The following ASB17 variants were observed in gnomAD, a reference collection of about 807,000 sequenced individuals.
The protein encoded by ASB17 is ankyrin repeat and SOCS box containing 17.
ASB17 carries 26 observed loss-of-function variants against 25.7 expected under a neutral mutation model. That is an observed-to-expected ratio of 1.01 (90% CI 0.74 to 1.40). The LOEUF (loss-of-function observed/expected upper bound fraction) is 1.40, where lower values mean the gene tolerates loss of function less well. ASB17 is among the 40% of genes most tolerant of loss of function. The pLI is 0.00. For synonymous variants in ASB17, 128 were observed against 121.4 expected, an observed-to-expected ratio of 1.05 and a Z score of -0.36; for missense variants, 326 against 338.5, an observed-to-expected ratio of 0.96 and a Z score of 0.29.
At chr1:75,924,008 CAAT>C (rs1653101395) in intron 1 of ASB17, among the ~76,000 whole-genome samples, 1 of 152,012 alleles carries the variant, frequency 6.6e-6, no homozygotes, top group Non-Finnish European at 1.5e-5. Context: ...GTGATAATCA[CAAT>C]GATAGAAGCA....
At chr1:75,921,900 A>G (rs1053326511) in intron 2 of ASB17, among the ~76,000 whole-genome samples, 180 bp downstream of exon 2, 77 of 152,144 alleles carry the variant, frequency 5.1e-4, no homozygotes, top group Non-Finnish European at 7.9e-4. Flanking sequence ...ATTTCTAAAA[A>G]CATAAGAAGT....
chr1:75,930,018 T>G (rs1306567509), intron 1 of ASB17, among the ~76,000 whole-genome samples: 1 of 151,852 alleles, frequency 6.6e-6, no homozygotes, highest in African/African-American at 2.4e-5. Flanking sequence ...CTATTCAGTT[T>G]GAGATGCCAT....
chr1:75,927,230 G>T (rs1653196053), intron 1 of ASB17, among the ~76,000 whole-genome samples: 1 of 152,020 alleles, frequency 6.6e-6, no homozygotes, highest in African/African-American at 2.4e-5. Flanking sequence ...GACTCATTTT[G>T]GACTTTTGAA....
intron 1 of ASB17, 94 bp downstream of exon 1, chr1:75,931,797 G>A (rs1571021520): frequency 1.8e-6 from 2 of 1,127,378 alleles, no homozygotes; most frequent in African/African-American, 1.6e-5. Flanking sequence ...TTCACATATA[G>A]CCACTATACA....
chr1:75,926,688 A>G (rs1653182448), intron 1 of ASB17, among the ~76,000 whole-genome samples: 1 of 152,214 alleles, frequency 6.6e-6, no homozygotes, highest in African/African-American at 2.4e-5. Flanking sequence ...CTTGGAACAT[A>G]GTAGTGGAGA....
intron 1 of ASB17, among the ~76,000 whole-genome samples, chr1:75,926,263 A>G (rs1007334957): frequency 2.0e-5 from 3 of 152,370 alleles, no homozygotes; most frequent in Non-Finnish European, 2.9e-5. Flanking sequence ...TTAGCAGGTG[A>G]TGAGTGCTTG....
intron 1 of ASB17, 57 bp downstream of exon 1, chr1:75,931,834 C>A: frequency 6.8e-7 from 1 of 1,467,328 alleles, no homozygotes; most frequent in South Asian, 1.4e-5. Flanking sequence ...AAGAAGCACT[C>A]TACTCTCGTA....
intron 2 of ASB17, among the ~76,000 whole-genome samples, chr1:75,921,479 T>C (rs1342964778): frequency 1.3e-5 from 2 of 152,214 alleles, no homozygotes; most frequent in African/African-American, 2.4e-5. Flanking sequence ...TGATTCAATT[T>C]GATGATGACA....
At chr1:75,929,195 G>T (rs1238931130) in intron 1 of ASB17, among the ~76,000 whole-genome samples, 1 of 151,744 alleles carries the variant, frequency 6.6e-6, no homozygotes, top group African/African-American at 2.4e-5. Flanking sequence ...CTTTCATGTA[G>T]GGTTTTTATT....
At position 75,922,173 on chromosome 1, in the gene ASB17, A is replaced by C. The variant is rs765658926; in HGVS notation, c.588T>G (p.Val196=). The C allele has an allele frequency of 2.5e-6, 4 of 1,613,764 alleles. No homozygotes were observed. In the African/African-American group the frequency reaches 5.3e-5, roughly 22 times the overall value. Residue 196 remains valine, a synonymous_variant, in exon 2 of 3, where the codon GTT becomes GTG. Coordinates refer to ENST00000284142, the MANE Select transcript of ASB17 (RefSeq NM_080868.3). The part of the protein sequence containing the change: ...VLYPSRVRVM[V]DRELADIHED... ...CATGGATGTCAGCCAATTCACGATC[A>C]ACCATTACTCTTACTCTCGAAGGGT...
At chr1:75,920,295 A>G (rs1169272996) in intron 2 of ASB17, among the ~76,000 whole-genome samples, 1 of 152,220 alleles carries the variant, frequency 6.6e-6, no homozygotes, top group Non-Finnish European at 1.5e-5. Flanking sequence ...ACTTAGGAGG[A>G]AAAAACATTG....
intron 2 of ASB17, among the ~76,000 whole-genome samples, chr1:75,920,147 A>G (rs56370663): frequency 0.047 from 7,164 of 152,272 alleles, 206 homozygotes; most frequent in African/African-American, 0.064. Flanking sequence ...TTCCCAGGTG[A>G]TATCAACCAT....
At chr1:75,920,530 CAT>C (rs763925558) in intron 2 of ASB17, among the ~76,000 whole-genome samples, 31 of 152,176 alleles carry the variant, frequency 2.0e-4, no homozygotes, top group Non-Finnish European at 4.6e-4. Flanking sequence ...AATATCTAAA[CAT>C]ATATTTACAA....
intron 1 of ASB17, among the ~76,000 whole-genome samples, chr1:75,924,320 C>CT: frequency 6.6e-6 from 1 of 152,242 alleles, no homozygotes; most frequent in East Asian, 1.9e-4. Flanking sequence ...CCCTTACCCC[C>CT]TGCTGGATCT....
intron 1 of ASB17, among the ~76,000 whole-genome samples, chr1:75,923,780 T>G (rs2100610647): frequency 6.6e-6 from 1 of 152,354 alleles, no homozygotes; most frequent in African/African-American, 2.4e-5. Flanking sequence ...GTTTTAGCTC[T>G]TTGAATTGGC....
chr1:75,925,310 T>G (rs985999590), intron 1 of ASB17, among the ~76,000 whole-genome samples: 2 of 152,078 alleles, frequency 1.3e-5, no homozygotes, highest in African/African-American at 4.8e-5. Context: ...ATATTTGACT[T>G]AAGAACCTTA....
intron 1 of ASB17, among the ~76,000 whole-genome samples, chr1:75,925,439 TGAATACTGAA>T (rs1199077534): frequency 1.3e-5 from 2 of 152,116 alleles, no homozygotes; most frequent in Non-Finnish European, 2.9e-5. Flanking sequence ...TAGAAGATAA[TGAATACTGAA>T]AAATGTTGAA....
chr1:75,928,833 C>T (rs758468110), intron 1 of ASB17, among the ~76,000 whole-genome samples: 9 of 152,106 alleles, frequency 5.9e-5, no homozygotes, highest in African/African-American at 1.4e-4. Flanking sequence ...ACACTCTATC[C>T]GTGAGGATAG....
chr1:75,931,841 C>T (rs762649708), intron 1 of ASB17, 50 bp downstream of exon 1: 109 of 1,489,908 alleles, frequency 7.3e-5, no homozygotes, highest in South Asian at 3.9e-4. Flanking sequence ...ACTCTACTCT[C>T]GTAAAGATAA....
Sources: allele counts gnomAD v4.1 joint callset (sites outside exome capture counted in the v4.1 genomes callset), GRCh38; gene constraint gnomAD v4.1.1; transcripts MANE v1.5; gene names NCBI Gene and HGNC (gene_info 2026-07-23, HGNC 2026-07-21).